Variants in GARIN5B observed in about 807,000 individuals in gnomAD.
GARIN5B encodes the protein golgi associated RAB2 interactor family member 5B.
At chr19:55,360,599 C>T in the GARIN5B span, 1 of 1,439,956 alleles carries the variant, frequency 6.9e-7, no homozygotes, top group South Asian at 1.4e-5. Context: ...AGTCCAGGTC[C>T]CAGCCTCTCC....
At chr19:55,358,844 G>A in the GARIN5B span, 1 of 1,547,444 alleles carries the variant, frequency 6.5e-7, no homozygotes, top group African/African-American at 1.4e-5. Flanking sequence ...CAGTTCCTTG[G>A]CCTTGACCCA....
the GARIN5B span, chr19:55,359,917 GT>G: frequency 6.4e-7 from 1 of 1,551,322 alleles, no homozygotes. Flanking sequence ...CTGAGACACA[GT>G]GTGAAGGGCT....
At chr19:55,360,697 G>A in the GARIN5B span, 2 of 1,551,468 alleles carry the variant, frequency 1.3e-6, no homozygotes, top group Non-Finnish European at 1.7e-6. Flanking sequence ...GCTGGCCTTT[G>A]GAGAGGACTG....
At chr19:55,362,199 G>T in the GARIN5B span, 1 of 1,472,038 alleles carries the variant, frequency 6.8e-7, no homozygotes, top group Non-Finnish European at 9.0e-7. Context: ...TGGCCGGAGG[G>T]TTCCTGGGGC....
chr19:55,359,595 C>T, the GARIN5B span: 23 of 1,551,176 alleles, frequency 1.5e-5, no homozygotes, highest in Non-Finnish European at 2.0e-5. Flanking sequence ...GAAGCAGGTA[C>T]AGCTGGGAGC....
At chr19:55,360,049 C>A in the GARIN5B span, 3 of 1,438,340 alleles carry the variant, frequency 2.1e-6, no homozygotes, top group Non-Finnish European at 2.8e-6. Context: ...GGAGGGCAGA[C>A]CCCTGCTCCC....
At chr19:55,359,453 GC>G in the GARIN5B span, 5 of 1,546,014 alleles carry the variant, frequency 3.2e-6, no homozygotes, top group East Asian at 1.2e-4. Flanking sequence ...TATGGCTGGG[GC>G]CTTCTGGGAT....
At chr19:55,355,988 CA>C in the GARIN5B span, among the ~76,000 whole-genome samples, 1 of 147,590 alleles carries the variant, frequency 6.8e-6, no homozygotes, top group Non-Finnish European at 1.5e-5. Context: ...CTCTTTTCTA[CA>C]AAAAAATCAA....
chr19:55,359,793 C>T, the GARIN5B span: 3 of 1,551,370 alleles, frequency 1.9e-6, no homozygotes, highest in Non-Finnish European at 2.6e-6. Context: ...AGACCGGAGG[C>T]AGCAGACGAC....
the GARIN5B span, chr19:55,359,506 A>ATGGAGCAGGTACG: frequency 6.5e-7 from 1 of 1,548,210 alleles, no homozygotes; most frequent in African/African-American, 1.4e-5. Context: ...GAGCAGGTAC[A>ATGGAGCAGGTACG]GCTGGGGCCT....
the GARIN5B span, chr19:55,358,780 G>A: frequency 1.9e-6 from 3 of 1,549,460 alleles, no homozygotes; most frequent in Non-Finnish European, 2.6e-6. Flanking sequence ...TGGTGAGGGT[G>A]AGCGCTTCCA....
chr19:55,361,662 T>TC, the GARIN5B span, among the ~76,000 whole-genome samples: 2 of 38,640 alleles, frequency 5.2e-5, no homozygotes, highest in African/African-American at 1.3e-4. Context: ...CTCTCCTCCC[T>TC]TGACTCAGGG....
At chr19:55,361,899 C>A in the GARIN5B span, among the ~76,000 whole-genome samples, 2 of 107,294 alleles carry the variant, frequency 1.9e-5, no homozygotes, top group Non-Finnish European at 4.5e-5. Flanking sequence ...GGGCCCTTAG[C>A]TCCTCCGTCA....
At chr19:55,363,067 G>T in the GARIN5B span, 3 of 1,495,108 alleles carry the variant, frequency 2.0e-6, no homozygotes, top group Non-Finnish European at 2.7e-6. The surrounding 1 kb of genome is among the most constrained non-coding windows in gnomAD (Gnocchi z 4.0). Context: ...GCCAGATCAT[G>T]GTGGCTGTGG....
chr19:55,361,819 C>CCCA, the GARIN5B span, among the ~76,000 whole-genome samples: 102 of 98,746 alleles, frequency 1.0e-3, 1 homozygote, highest in African/African-American at 4.1e-3. Flanking sequence ...CAGGAGTCCC[C>CCCA]CAGCCCCTCC....
At chr19:55,355,635 G>A in the GARIN5B span, among the ~76,000 whole-genome samples, 1 of 152,156 alleles carries the variant, frequency 6.6e-6, no homozygotes, top group East Asian at 1.9e-4. Flanking sequence ...TCTCCCTCCT[G>A]CCTGGTTAAT....
At chr19:55,359,162 G>A in the GARIN5B span, 3 of 1,551,220 alleles carry the variant, frequency 1.9e-6, no homozygotes, top group Non-Finnish European at 2.6e-6. Flanking sequence ...AGGAATTCCT[G>A]TTGGCAACAC....
At chr19:55,358,142 T>C in the GARIN5B span, 1 of 1,470,136 alleles carries the variant, frequency 6.8e-7, no homozygotes. Flanking sequence ...TAACCCCCGC[T>C]ACCTGGGCAG....
the GARIN5B span, chr19:55,358,993 A>C: frequency 6.4e-7 from 1 of 1,551,128 alleles, no homozygotes; most frequent in Non-Finnish European, 8.7e-7. Flanking sequence ...TGGTTTGGCT[A>C]ATCAGGATGT....
Sources: gnomAD v4.1 joint callset for allele counts (sites outside exome capture counted in the v4.1 genomes callset) on GRCh38, gnomAD v4.1.1 for gene constraint, Gnocchi (gnomAD v3.1) non-coding constraint, MANE v1.5 for transcripts, NCBI Gene and HGNC (gene_info 2026-07-23, HGNC 2026-07-21) for gene names.